PCDHGA1: variants seen among roughly 807,000 people sequenced by gnomAD.
PCDHGA1 encodes protocadherin gamma subfamily A, 1, also known as protocadherin gamma-A1.
Under a neutral mutation model 58.0 loss-of-function variants are expected in PCDHGA1, and 32 were observed. That is an observed-to-expected ratio of 0.55 (90% confidence interval 0.42 to 0.74). The LOEUF (loss-of-function observed/expected upper bound fraction) is 0.74. PCDHGA1 is among the 30% of genes least tolerant of loss of function. The probability of loss-of-function intolerance (pLI) is 0.00; values close to 1 mark genes in which losing one functional copy is unlikely to be tolerated. For missense variants in PCDHGA1, 1,205 were observed against 1,182.3 expected (o/e 1.02, Z -0.28); for synonymous variants, 498 against 501.1 (o/e 0.99, Z 0.08).
At position 141,331,593 on chromosome 5, in the gene PCDHGA1, T is replaced by C. The variant is rs765815934; in HGVS notation, c.909T>C (p.Asn303=). The C allele has an allele frequency of 1.9e-6, 3 of 1,614,012 alleles. No individual in the cohort carries two copies. The highest frequency in any genetic ancestry group is 1.7e-6 in the Non-Finnish European group (2 of 1,180,004). Residue 303 remains asparagine (N), a synonymous_variant, in exon 1 of 4, where the codon AAT becomes AAC. Coordinates refer to ENST00000517417, the MANE Select transcript of PCDHGA1 (RefSeq NM_018912.3). ...RLDSYTGEIS[N]KEPLDFEEYK... is the part of the protein sequence containing the mutation. ...ATTCTTACACAGGAGAAATATCAAA[T>C]AAAGAACCACTAGATTTCGAAGAAT...
At chr5:141,398,517 G>C (rs754431224) in intron 1 of PCDHGA1, 38 of 1,592,096 alleles carry the variant, frequency 2.4e-5, no homozygotes, top group Non-Finnish European at 3.1e-5. Flanking sequence ...ATGACCACAC[G>C]CCAAAATTCA....
In PCDHGA1 at chr5:141,476,235, A is replaced by G; in HGVS notation, c.2422-18572A>G. ...GTCATTCACTATGAGATCCCGGAGG[A>G]AAGAGAGAAGGGTTTCGCTGTGGGC... is the stretch of plus-strand genomic sequence containing the variant. On this transcript the variant is annotated intron_variant, in intron 1 of 3. Coordinates refer to ENST00000517417, the MANE Select transcript of PCDHGA1 (RefSeq NM_018912.3). The surrounding 1 kb of genome is among the most constrained non-coding windows in gnomAD (Gnocchi z 7.6). 2 of 1,613,844 alleles carry G rather than the reference A, an allele frequency of 1.2e-6. No homozygotes were observed. Among genetic ancestry groups the G allele is most frequent in the Admixed American group, 1.7e-5 (1 of 59,990 alleles).
At chr5:141,447,244 A>G (rs1475037979) in intron 1 of PCDHGA1, among the ~76,000 whole-genome samples, 1 of 152,062 alleles carries the variant, frequency 6.6e-6, no homozygotes, top group South Asian at 2.1e-4. Flanking sequence ...GGTTCAAGTG[A>G]TTCTTCTGTC....
chr5:141,485,745 T>C lies in PCDHGA1; in HGVS notation c.2422-9062T>C. 3 of 1,614,146 alleles carry C rather than the reference T, an allele frequency of 1.9e-6. No individual in the cohort carries two copies. Among genetic ancestry groups the C allele is most frequent in the Non-Finnish European group, 2.5e-6 (3 of 1,179,986 alleles). ...AAGAAGCGCAGCGACGGCAGCCTGGTCCCAGAGCTGCTCCTGGAGAAGCCT... is the reference window on the plus strand; with the variant it reads ...AAGAAGCGCAGCGACGGCAGCCTGGCCCCAGAGCTGCTCCTGGAGAAGCCT... On this transcript the variant is annotated intron_variant, in intron 1 of 3. Transcript: ENST00000517417. This position sits in a 1 kb window ranked among gnomAD's most constrained non-coding sequence, Gnocchi z 5.7.
At chr5:141,492,500 C>G (rs2099741252) in intron 1 of PCDHGA1, among the ~76,000 whole-genome samples, 1 of 152,322 alleles carries the variant, frequency 6.6e-6, no homozygotes, top group South Asian at 2.1e-4. Flanking sequence ...GCGAGGACTC[C>G]GGAGCCTCCT....
chr5:141,348,930 T>C (rs945708240), intron 1 of PCDHGA1, among the ~76,000 whole-genome samples: 3 of 152,238 alleles, frequency 2.0e-5, no homozygotes, highest in Non-Finnish European at 2.9e-5. Context: ...GAACCAAGAC[T>C]GGTTCTAAGC....
intron 1 of PCDHGA1, chr5:141,360,246 T>C: frequency 6.2e-7 from 1 of 1,613,890 alleles, no homozygotes; most frequent in Admixed American, 1.7e-5. Flanking sequence ...GCTATTCAAT[T>C]CCAGAGGAGC....
At chr5:141,375,535 C>A (rs548065153) in intron 1 of PCDHGA1, 105 of 1,613,900 alleles carry the variant, frequency 6.5e-5, no homozygotes, top group Non-Finnish European at 8.3e-5. Context: ...TGGACCAGAA[C>A]GCCCAAGTCT....
At chr5:141,415,809 CTA>C in intron 1 of PCDHGA1, 1 of 1,346,328 alleles carries the variant, frequency 7.4e-7, no homozygotes, top group Non-Finnish European at 9.5e-7. Flanking sequence ...CAATCAAGGC[CTA>C]TATATCATAA....
At position 141,331,022 on chromosome 5, in the gene PCDHGA1, A is replaced by C; in HGVS notation, c.338A>C (p.Lys113Thr). The C allele has an allele frequency of 6.2e-7, 1 of 1,614,218 alleles. No individual in the cohort carries two copies. Among genetic ancestry groups the C allele is most frequent in the African/African-American group, 1.3e-5 (1 of 75,050 alleles). ...AGTTTTAATATCCTTGTTGAGGATAAAATGAAGCTTTTTCCTGTTGAAGTA... is the reference window on the plus strand; with the variant it reads ...AGTTTTAATATCCTTGTTGAGGATACAATGAAGCTTTTTCCTGTTGAAGTA... ...LVSFNILVED[K>T]MKLFPVEVEI... Residue 113 changes from lysine (K) to threonine (T), a missense_variant, in exon 1 of 4, where the codon AAA becomes ACA. By Grantham distance (78) the Lys-to-Thr change is moderately conservative (BLOSUM62 -1). Transcript: ENST00000517417.
intron 1 of PCDHGA1, among the ~76,000 whole-genome samples, chr5:141,460,951 G>GTATA (rs200454978): frequency 7.9e-5 from 11 of 139,774 alleles, no homozygotes; most frequent in Middle Eastern, 3.7e-3. Context: ...TATGTATTAT[G>GTATA]TATATATATA....
At chr5:141,410,337 C>T (rs1196366344) in intron 1 of PCDHGA1, 1 of 1,613,930 alleles carries the variant, frequency 6.2e-7, no homozygotes, top group Non-Finnish European at 8.5e-7. Context: ...CTGGCCATTG[C>T]CTTGCGCCTG....
chr5:141,445,224 G>A (rs1016307216), intron 1 of PCDHGA1, among the ~76,000 whole-genome samples: 6 of 152,194 alleles, frequency 3.9e-5, no homozygotes, highest in Admixed American at 2.0e-4. Context: ...GAGGTGCAAA[G>A]TGCTCTATTC....
chr5:141,374,719 T>C, intron 1 of PCDHGA1: 3 of 1,610,224 alleles, frequency 1.9e-6, no homozygotes, highest in Non-Finnish European at 1.7e-6. Flanking sequence ...GCCTGGTCCT[T>C]ACTGCCATGG....
At chr5:141,360,346 G>T in intron 1 of PCDHGA1, 1 of 1,613,922 alleles carries the variant, frequency 6.2e-7, no homozygotes, top group Middle Eastern at 1.6e-4. Context: ...GGTTAGCGCG[G>T]AGAAGGAATA....
At chr5:141,443,090 C>T (rs1403922939) in intron 1 of PCDHGA1, among the ~76,000 whole-genome samples, 3 of 151,926 alleles carry the variant, frequency 2.0e-5, no homozygotes, top group Non-Finnish European at 2.9e-5. Context: ...TTCCAGTCTC[C>T]TTCTCAAGCT....
intron 1 of PCDHGA1, chr5:141,389,309 T>A (rs763262842): frequency 1.4e-5 from 23 of 1,613,900 alleles, no homozygotes; most frequent in Non-Finnish European, 1.9e-5. Flanking sequence ...TCAGGGCTTC[T>A]GATCCGGACT....
chr5:141,372,183 G>C lies in PCDHGA1; in HGVS notation c.2421+39078G>C, dbSNP rs770498510. 5 of 1,613,672 alleles carry C rather than the reference G, an allele frequency of 3.1e-6. No individual in the cohort carries two copies. The Admixed American group carries it at 8.3e-5, about 27-fold the overall frequency. On this transcript the variant is annotated intron_variant, in intron 1 of 3. Coordinates refer to ENST00000517417, the MANE Select transcript of PCDHGA1 (RefSeq NM_018912.3). ...GACCAAGGTGGTGGCGGTGGACGCA[G>C]ACTCGGGATACAACGCCTGGCTGTC...
In PCDHGA1 at chr5:141,512,926, T is replaced by C. The variant is rs1438111849; in HGVS notation, c.*1753T>C. The C allele has an allele frequency of 6.6e-6, 1 of 152,216 alleles. No homozygotes were observed. The highest frequency in any genetic ancestry group is 1.5e-5 in the Non-Finnish European group (1 of 68,048). 9.4% of individuals were successfully genotyped at this position (152,216 alleles called of 1,614,324 possible). A position where few individuals can be genotyped will look rare whatever the true frequency, so the allele number is the denominator to read the frequency against. On this transcript the variant is annotated 3_prime_UTR_variant, in exon 4 of 4. Coordinates refer to ENST00000517417, the MANE Select transcript of PCDHGA1 (RefSeq NM_018912.3). ...CGCAAGTTTTATACTCTAATATTTA[T>C]ATGGCTTTTTTTCTTCGACAAAAAA...
Sources: gnomAD v4.1 joint callset for allele counts (sites outside exome capture counted in the v4.1 genomes callset) on GRCh38, gnomAD v4.1.1 for gene constraint, Gnocchi (gnomAD v3.1) non-coding constraint, MANE v1.5 for transcripts, NCBI Gene and HGNC (gene_info 2026-07-23, HGNC 2026-07-21) for gene names.